The following DOK6 variants were observed in gnomAD, a reference collection of about 807,000 sequenced individuals.
DOK6 encodes the protein downstream of tyrosine kinase 6.
A neutral mutation model predicts 44.0 loss-of-function variants in DOK6; 22 were observed. The ratio of observed to expected loss-of-function variants is 0.50; its 90% CI spans 0.36 to 0.71. DOK6 has a LOEUF of 0.71. DOK6 is among the 30% of genes least tolerant of loss of function. The pLI, the probability that DOK6 is intolerant of heterozygous loss-of-function variation, is 0.00. For missense variants in DOK6, 340 were observed against 416.4 expected, an observed-to-expected ratio of 0.82 and a Z score of 1.60; for synonymous variants, 166 against 145.5, an observed-to-expected ratio of 1.14 and a Z score of -1.01.
intron 1 of DOK6, among the ~76,000 whole-genome samples, chr18:69,540,616 G>A (rs1442664): frequency 1.3e-5 from 2 of 151,874 alleles, no homozygotes; most frequent in African/African-American, 2.4e-5. Context: ...ATTTCTCGAC[G>A]TCTTCACATT....
chr18:69,558,914 A>AAGCTGTAT lies in DOK6; in HGVS notation c.67-5570_67-5563dup, dbSNP rs573295381. Among the ~76,000 whole-genome samples the AAGCTGTAT allele has an allele frequency of 2.4e-4, 37 of 152,248 alleles. No individual in the cohort carries two copies. In the South Asian group the frequency reaches 6.2e-3, roughly 26 times the overall value. On this transcript the variant is annotated intron_variant, in intron 1 of 7. Transcript: ENST00000382713. ...TTGTTATATAGGATGCTATCAGAGGAAGCTGTATAGAGTATACAGGAACTC... is the reference window on the plus strand; with the variant it reads ...TTGTTATATAGGATGCTATCAGAGGAAGCTGTATAGCTGTATAGAGTATACAGGAACTC...
At chr18:69,455,215 G>T (rs965872625) in intron 1 of DOK6, among the ~76,000 whole-genome samples, 34 of 142,720 alleles carry the variant, frequency 2.4e-4, no homozygotes, top group Non-Finnish European at 4.6e-4. Flanking sequence ...GAAAAACCAA[G>T]CTGAAATTCA....
At chr18:69,587,894 T>A (rs1186071646) in intron 2 of DOK6, among the ~76,000 whole-genome samples, 3 of 152,194 alleles carry the variant, frequency 2.0e-5, no homozygotes, top group Non-Finnish European at 1.5e-5. Context: ...TTCTGTTTTA[T>A]CATAGACAGT....
At chr18:69,691,212 T>TAAAC (rs1416789882) in intron 4 of DOK6, among the ~76,000 whole-genome samples, 2 of 150,568 alleles carry the variant, frequency 1.3e-5, no homozygotes, top group Non-Finnish European at 3.0e-5. Context: ...AATAAATAAA[T>TAAAC]AAATAAATAA....
chr18:69,551,107 G>A (rs550857669), intron 1 of DOK6, among the ~76,000 whole-genome samples: 4 of 152,200 alleles, frequency 2.6e-5, no homozygotes, highest in African/African-American at 9.6e-5. Context: ...TTAGTGAAAG[G>A]ATGAAGTTGA....
At chr18:69,588,567 C>T (rs1983557363) in intron 2 of DOK6, among the ~76,000 whole-genome samples, 1 of 152,060 alleles carries the variant, frequency 6.6e-6, no homozygotes, top group Admixed American at 6.6e-5. Flanking sequence ...GCTCATATTC[C>T]CTTTTCTAAA....
intron 1 of DOK6, among the ~76,000 whole-genome samples, chr18:69,462,272 G>A (rs188939098): frequency 2.5e-4 from 38 of 152,184 alleles, no homozygotes; most frequent in Middle Eastern, 3.4e-3. Flanking sequence ...TCAAAATCTT[G>A]TAGGAGGCCT....
At chr18:69,797,256 G>A (rs1214172303) in intron 7 of DOK6, among the ~76,000 whole-genome samples, 11 of 152,156 alleles carry the variant, frequency 7.2e-5, no homozygotes, top group Non-Finnish European at 1.5e-4. Context: ...GATTCTTTGA[G>A]AAGAGTTACA....
chr18:69,712,771 C>T (rs891908263), intron 5 of DOK6, among the ~76,000 whole-genome samples: 2 of 152,000 alleles, frequency 1.3e-5, no homozygotes, highest in Admixed American at 6.6e-5. Flanking sequence ...CTCTTGAAGC[C>T]GGGAGGCTGA....
intron 5 of DOK6, among the ~76,000 whole-genome samples, chr18:69,710,893 G>C (rs1986740159): frequency 6.6e-6 from 1 of 152,160 alleles, no homozygotes; most frequent in African/African-American, 2.4e-5. Flanking sequence ...ACTTTCACCT[G>C]ACCCAAGCAA....
intron 1 of DOK6, among the ~76,000 whole-genome samples, chr18:69,402,576 ACTTGACT>A (rs1916123934): frequency 6.6e-6 from 1 of 152,298 alleles, no homozygotes; most frequent in East Asian, 1.9e-4. Context: ...GGAAAGGCAG[ACTTGACT>A]CTTGGTGCTG....
At chr18:69,631,100 A>G (rs1160551505) in intron 3 of DOK6, among the ~76,000 whole-genome samples, 2 of 151,906 alleles carry the variant, frequency 1.3e-5, no homozygotes, top group Non-Finnish European at 2.9e-5. Context: ...ATTTTTAGCT[A>G]TGTCTTCTTA....
intron 1 of DOK6, among the ~76,000 whole-genome samples, chr18:69,420,817 G>A (rs1006499078): frequency 6.6e-6 from 1 of 152,038 alleles, no homozygotes; most frequent in Admixed American, 6.6e-5. Context: ...GATGCCGATT[G>A]GTGTGCCATC....
At chr18:69,653,647 A>C (rs1334110508) in intron 3 of DOK6, among the ~76,000 whole-genome samples, 1 of 152,210 alleles carries the variant, frequency 6.6e-6, no homozygotes, top group East Asian at 1.9e-4. Flanking sequence ...AACAAAAACT[A>C]GTCCTTACAA....
At chr18:69,529,940 C>T (rs893724457) in intron 1 of DOK6, among the ~76,000 whole-genome samples, 7 of 152,082 alleles carry the variant, frequency 4.6e-5, no homozygotes, top group African/African-American at 1.7e-4. Flanking sequence ...AATATGGAAT[C>T]AGAAAGTCTT....
chr18:69,738,053 T>A (rs997493996), intron 5 of DOK6, among the ~76,000 whole-genome samples: 1 of 152,186 alleles, frequency 6.6e-6, no homozygotes, highest in Non-Finnish European at 1.5e-5. Context: ...TTTATTAAGA[T>A]CTCTTTCAGA....
At chr18:69,525,603 T>C (rs897531747) in intron 1 of DOK6, among the ~76,000 whole-genome samples, 7 of 152,050 alleles carry the variant, frequency 4.6e-5, no homozygotes, top group African/African-American at 7.2e-5. Flanking sequence ...ACACTTGCCA[T>C]TTCCCTGCTT....
At chr18:69,505,398 AT>A (rs1238344253) in intron 1 of DOK6, among the ~76,000 whole-genome samples, 1 of 151,794 alleles carries the variant, frequency 6.6e-6, no homozygotes, top group African/African-American at 2.4e-5. Flanking sequence ...AAAGTTTCTA[AT>A]GCTGTGGGAA....
At chr18:69,570,395 A>G (rs187483952) in intron 2 of DOK6, among the ~76,000 whole-genome samples, 2 of 152,196 alleles carry the variant, frequency 1.3e-5, no homozygotes, top group East Asian at 3.9e-4. Flanking sequence ...ACAACAAAAA[A>G]TCACTGGCTA....
Sources: allele counts gnomAD v4.1 joint callset (sites outside exome capture counted in the v4.1 genomes callset), GRCh38; gene constraint gnomAD v4.1.1; transcripts MANE v1.5; gene names NCBI Gene and HGNC (gene_info 2026-07-23, HGNC 2026-07-21).